Variants in EFCAB11 observed in about 807,000 individuals in gnomAD.
EFCAB11 encodes EF-hand calcium binding domain 11, also known as EF-hand calcium-binding domain-containing protein 11.
Under a neutral mutation model 23.0 loss-of-function variants are expected in EFCAB11, and 14 were observed. That is an observed-to-expected ratio of 0.61 (90% CI 0.40 to 0.95). EFCAB11 has a LOEUF of 0.95. Ranked by LOEUF, EFCAB11 falls within the 40% of genes least tolerant of loss-of-function variation. The pLI is 0.00. For synonymous variants in EFCAB11, 65 were observed against 66.6 expected, an observed-to-expected ratio of 0.98 and a Z score of 0.11; for missense variants, 198 against 195.8, an observed-to-expected ratio of 1.01 and a Z score of -0.07.
chr14:89,861,843 A>G (rs1165249384), intron 5 of EFCAB11, among the ~76,000 whole-genome samples: 1 of 152,176 alleles, frequency 6.6e-6, no homozygotes, highest in East Asian at 1.9e-4. Context: ...TGCTGGTACC[A>G]TGTTCTTGGA....
intron 5 of EFCAB11, among the ~76,000 whole-genome samples, chr14:89,926,327 A>C (rs1049582865): frequency 2.6e-5 from 4 of 152,204 alleles, no homozygotes; most frequent in Non-Finnish European, 2.9e-5. Context: ...AGTTATAATT[A>C]GTTTCCCCCA....
chr14:89,796,847 T>C lies in EFCAB11; in HGVS notation c.*396A>G, dbSNP rs1216762908. ...ACCGTGGCCTGCAGTGTGGAGAGGG[T>C]AGGGGGCAAGAAGAGTGAGGAGGAG... On this transcript the variant is annotated 3_prime_UTR_variant, in exon 6 of 6. Transcript: ENST00000316738. 1 of 169,538 alleles carries C rather than the reference T, an allele frequency of 5.9e-6. No individual in the cohort carries two copies. Among genetic ancestry groups the C allele is most frequent in the Non-Finnish European group, 1.3e-5 (1 of 78,328 alleles). The allele number at this position is 169,538 out of a possible 1,614,324, so 10.5% of individuals were successfully genotyped here.
intron 5 of EFCAB11, among the ~76,000 whole-genome samples, chr14:89,828,488 C>G (rs1402948870): frequency 6.6e-6 from 1 of 152,032 alleles, no homozygotes; most frequent in Non-Finnish European, 1.5e-5. Context: ...AAACCAAGAC[C>G]CAAAGAGTTC....
chr14:89,916,156 G>GA (rs10569453), intron 5 of EFCAB11, among the ~76,000 whole-genome samples: 83 of 138,808 alleles, frequency 6.0e-4, no homozygotes, highest in East Asian at 1.3e-3. Context: ...GAATGGCTCA[G>GA]AAAAAAAAAA....
intron 5 of EFCAB11, among the ~76,000 whole-genome samples, chr14:89,900,919 T>A (rs192494231): frequency 3.9e-5 from 6 of 152,332 alleles, no homozygotes; most frequent in Non-Finnish European, 5.9e-5. Flanking sequence ...TATAAATCAC[T>A]GGAAAGTTTA....
At chr14:89,925,678 C>T (rs1433015367) in intron 5 of EFCAB11, among the ~76,000 whole-genome samples, 2 of 139,852 alleles carry the variant, frequency 1.4e-5, no homozygotes, top group Admixed American at 1.6e-4. Context: ...TGGAGTCTTG[C>T]TCTGTCACCC....
intron 5 of EFCAB11, among the ~76,000 whole-genome samples, chr14:89,871,247 C>T (rs1272406218): frequency 6.6e-6 from 1 of 152,206 alleles, no homozygotes; most frequent in Admixed American, 6.5e-5. Context: ...ATTACATGCC[C>T]TACCATCCAT....
At chr14:89,807,471 G>T (rs1444457850) in intron 5 of EFCAB11, among the ~76,000 whole-genome samples, 6 of 152,162 alleles carry the variant, frequency 3.9e-5, no homozygotes, top group African/African-American at 1.4e-4. Flanking sequence ...AGTATTAGTG[G>T]GTTCAGAAGC....
Position 89,953,223 on chromosome 14 carries a change from C to T in EFCAB11, c.171+683G>A, listed in dbSNP as rs570092205. ...ATGTTGGCAGAAAAAAAAAAAAAACCCCACCTATATAACCCCAGACAGGAA... is the reference window on the plus strand; with the variant it reads ...ATGTTGGCAGAAAAAAAAAAAAAACTCCACCTATATAACCCCAGACAGGAA... On this transcript the variant is annotated intron_variant, in intron 2 of 5. Transcript: ENST00000316738. 4.0e-5 allele frequency among the ~76,000 whole-genome samples: 6 copies of T among 150,132 alleles called. No homozygotes were observed. The East Asian group carries it at 9.7e-4, about 24-fold the overall frequency.
At chr14:89,875,054 T>C (rs1262078740) in intron 5 of EFCAB11, among the ~76,000 whole-genome samples, 1 of 152,188 alleles carries the variant, frequency 6.6e-6, no homozygotes. Context: ...GCCGTGGACA[T>C]CTAAGGGCAT....
At chr14:89,885,810 AAGAAAGAAAGAAGGAAAG>A (rs1167604296) in intron 5 of EFCAB11, among the ~76,000 whole-genome samples, 1 of 150,596 alleles carries the variant, frequency 6.6e-6, no homozygotes. Context: ...CAGCAACTAA[AAGAAAGAAAGAAGGAAAG>A]AGAAAGAAAG....
At chr14:89,833,438 G>A (rs1886954854) in intron 5 of EFCAB11, among the ~76,000 whole-genome samples, 1 of 152,138 alleles carries the variant, frequency 6.6e-6, no homozygotes, top group South Asian at 2.1e-4. Context: ...AAGATTTCTT[G>A]GAGTGACTGT....
At chr14:89,820,892 AAT>A (rs1357861533) in intron 5 of EFCAB11, among the ~76,000 whole-genome samples, 9 of 151,664 alleles carry the variant, frequency 5.9e-5, no homozygotes, top group Admixed American at 2.0e-4. Context: ...ATATATATAA[AAT>A]ATGTTATATG....
At chr14:89,823,203 T>C (rs1886583687) in intron 5 of EFCAB11, among the ~76,000 whole-genome samples, 1 of 152,158 alleles carries the variant, frequency 6.6e-6, no homozygotes, top group Non-Finnish European at 1.5e-5. Context: ...TGCTTGAAGA[T>C]GCAGAGGATC....
intron 5 of EFCAB11, among the ~76,000 whole-genome samples, chr14:89,930,366 A>G (rs1410971799): frequency 2.0e-5 from 3 of 152,202 alleles, no homozygotes; most frequent in East Asian, 1.9e-4. Context: ...ATGTCCCCCA[A>G]TATCCATTCT....
intron 5 of EFCAB11, among the ~76,000 whole-genome samples, chr14:89,867,982 C>T (rs750252217): frequency 8.5e-5 from 13 of 152,280 alleles, no homozygotes; most frequent in African/African-American, 1.2e-4. Flanking sequence ...ACCACACTAG[C>T]GATTAACGAT....
chr14:89,887,253 A>C (rs1345519007), intron 5 of EFCAB11, among the ~76,000 whole-genome samples: 2 of 152,188 alleles, frequency 1.3e-5, no homozygotes, highest in Non-Finnish European at 2.9e-5. Context: ...TGGGGATGGG[A>C]GATGGAGTGA....
chr14:89,852,003 G>A (rs1423264464), intron 5 of EFCAB11, among the ~76,000 whole-genome samples: 3 of 152,188 alleles, frequency 2.0e-5, no homozygotes, highest in Non-Finnish European at 4.4e-5. Context: ...AAAACCTGAA[G>A]TTGGTTCCAT....
At chr14:89,907,633 A>T (rs953180132) in intron 5 of EFCAB11, among the ~76,000 whole-genome samples, 2 of 152,214 alleles carry the variant, frequency 1.3e-5, no homozygotes, top group Non-Finnish European at 2.9e-5. Flanking sequence ...AAGGCCTTTA[A>T]ATAAAATGGT....
Sources: gnomAD v4.1 joint callset for allele counts (sites outside exome capture counted in the v4.1 genomes callset) on GRCh38, gnomAD v4.1.1 for gene constraint, MANE v1.5 for transcripts, NCBI Gene and HGNC (gene_info 2026-07-23, HGNC 2026-07-21) for gene names.